The following SEMA6A variants were observed in gnomAD, a reference collection of about 807,000 sequenced individuals.
SEMA6A encodes semaphorin 6A, also known as semaphorin-6A.
A neutral mutation model predicts 96.8 loss-of-function variants in SEMA6A; 25 were observed. That is an observed-to-expected ratio of 0.26 (90% CI 0.19 to 0.36). The LOEUF is 0.36. Ranked by LOEUF, SEMA6A falls within the 10% of genes least tolerant of loss-of-function variation. The probability of loss-of-function intolerance (pLI) is 1.00; values close to 1 mark genes in which losing one functional copy is unlikely to be tolerated. For synonymous variants in SEMA6A, 612 were observed against 518.0 expected, an observed-to-expected ratio of 1.18 and a Z score of -2.46; for missense variants, 1,363 against 1,323.1, an observed-to-expected ratio of 1.03 and a Z score of -0.47.
chr5:116,553,474 A>AT (rs1283626932), intron 1 of SEMA6A, among the ~76,000 whole-genome samples: 1 of 152,200 alleles, frequency 6.6e-6, no homozygotes, highest in East Asian at 1.9e-4. Context: ...GTGAATTATA[A>AT]TTGCCTGCCA....
chr5:116,499,537 GAAGTGTAAAAATA>G (rs1397705490), intron 3 of SEMA6A, among the ~76,000 whole-genome samples: 1 of 152,184 alleles, frequency 6.6e-6, no homozygotes, highest in African/African-American at 2.4e-5. Flanking sequence ...ATTAAAGTTG[GAAGTGTAAAAATA>G]AAGTGTAAAA....
At chr5:116,482,606 C>T in intron 10 of SEMA6A, 31 bp from the exon 11 acceptor site, 1 of 1,611,526 alleles carries the variant, frequency 6.2e-7, no homozygotes, top group East Asian at 2.2e-5. Flanking sequence ...TCAAGTGTTA[C>T]TCATGCAATG....
chr5:116,478,700 A>T lies in SEMA6A; in HGVS notation c.1269T>A (p.Ile423=). The T allele has an allele frequency of 6.2e-7, 1 of 1,612,248 alleles. No homozygotes were observed. The highest frequency in any genetic ancestry group is 8.5e-7 in the Non-Finnish European group (1 of 1,179,436). ...ATGGCCCAGCAGCTGTGTCCACTGCAATTTTGGTAAGGCGGTATCTAAAAT... is the reference window on the plus strand; with the variant it reads ...ATGGCCCAGCAGCTGTGTCCACTGCTATTTTGGTAAGGCGGTATCTAAAAT... The part of the protein sequence containing the change: ...RTMVRYRLTK[I]AVDTAAGPYQ... The change falls in exon 13 of 19, where the codon ATT becomes ATA. Residue 423 remains isoleucine, a synonymous_variant. Coordinates refer to ENST00000343348, the MANE Select transcript of SEMA6A (RefSeq NM_020796.5).
chr5:116,494,729 T>C (rs1220762084), intron 6 of SEMA6A, among the ~76,000 whole-genome samples: 1 of 152,180 alleles, frequency 6.6e-6, no homozygotes, highest in Non-Finnish European at 1.5e-5. Context: ...AGTACATGTT[T>C]CCTGAGACAA....
chr5:116,563,800 C>T (rs1029182533), intron 1 of SEMA6A, among the ~76,000 whole-genome samples: 2 of 152,180 alleles, frequency 1.3e-5, no homozygotes, highest in African/African-American at 4.8e-5. Flanking sequence ...AACATCTAGC[C>T]TATGCGAATA....
At chr5:116,540,798 T>G (rs7726579) in intron 1 of SEMA6A, among the ~76,000 whole-genome samples, 5,716 of 152,326 alleles carry the variant, frequency 0.038, 160 homozygotes, top group Admixed American at 0.074. Context: ...CTCATCTAAC[T>G]GGCACCAATA....
rs368558091 is a variant in SEMA6A at position 116,447,493 on chromosome 5, G to T, written c.2213C>A (p.Thr738Lys). The T allele has an allele frequency of 1.4e-5, 22 of 1,613,974 alleles. No homozygotes were observed. The highest frequency in any genetic ancestry group is 1.8e-5 in the Non-Finnish European group (21 of 1,179,922). The part of the protein sequence containing the change: ...HNGKLATPGN[T>K]AKMLIKADQH... ...GTCTGCTTTAATGAGCATCTTGGCC[G>T]TGTTGCCGGGAGTGGCGAGCTTGCC... The change falls in exon 19 of 19, where the codon ACG becomes AAG. Residue 738 changes from threonine (T) to lysine (K), a missense_variant. Around this residue, in one of 2 missense-constraint regions of SEMA6A, gnomAD observed 883 missense variants for 763.6 expected, o/e 1.16. Coordinates refer to ENST00000343348, the MANE Select transcript of SEMA6A (RefSeq NM_020796.5).
chr5:116,541,650 T>A (rs1275881958), intron 1 of SEMA6A, among the ~76,000 whole-genome samples: 1 of 152,104 alleles, frequency 6.6e-6, no homozygotes, highest in African/African-American at 2.4e-5. Context: ...CTGGCCAACA[T>A]GGCGCAACCC....
chr5:116,452,833 G>T (rs1015216140), intron 18 of SEMA6A, among the ~76,000 whole-genome samples: 1 of 152,122 alleles, frequency 6.6e-6, no homozygotes, highest in Non-Finnish European at 1.5e-5. Flanking sequence ...ACAAGGTTTT[G>T]GCTCCAAGCA....
intron 1 of SEMA6A, among the ~76,000 whole-genome samples, chr5:116,515,177 T>G (rs555953959): frequency 1.3e-5 from 2 of 152,320 alleles, no homozygotes; most frequent in South Asian, 4.1e-4. Context: ...CTTATTGGAT[T>G]TGTAGACACT....
chr5:116,456,728 G>A (rs1755031767), intron 18 of SEMA6A, among the ~76,000 whole-genome samples: 1 of 152,144 alleles, frequency 6.6e-6, no homozygotes, highest in Admixed American at 6.5e-5. Context: ...GGTCAGCCCA[G>A]GCATAACTGG....
In SEMA6A at chr5:116,447,485, T is replaced by A. The variant is rs375596937; in HGVS notation, c.2221A>T (p.Met741Leu). 10 of 1,613,946 alleles carry A rather than the reference T, an allele frequency of 6.2e-6. No individual in the cohort carries two copies. The African/African-American group carries it at 1.3e-4, about 22-fold the overall frequency. The part of the protein sequence containing the change: ...KLATPGNTAK[M>L]LIKADQHHLD... ...TGGTGCTGGTCTGCTTTAATGAGCA[T>A]CTTGGCCGTGTTGCCGGGAGTGGCG... is the stretch of plus-strand genomic sequence containing the variant. Residue 741 changes from methionine to leucine, a missense_variant, in exon 19 of 19, where the codon ATG becomes TTG. Physicochemically the swap from Met to Leu is conservative, Grantham distance 15 (BLOSUM62 2). Around this residue, in one of 2 missense-constraint regions of SEMA6A, gnomAD observed 883 missense variants for 763.6 expected, o/e 1.16. Coordinates refer to ENST00000343348, the MANE Select transcript of SEMA6A (RefSeq NM_020796.5).
intron 17 of SEMA6A, 26 bp from the exon 18 acceptor site, chr5:116,467,773 GA>G: frequency 6.2e-7 from 1 of 1,611,712 alleles, no homozygotes; most frequent in Non-Finnish European, 8.5e-7. Context: ...ATACAGTTAG[GA>G]AAACATCACC....
intron 1 of SEMA6A, among the ~76,000 whole-genome samples, chr5:116,560,567 T>C (rs1163152643): frequency 6.6e-6 from 1 of 151,834 alleles, no homozygotes; most frequent in Admixed American, 6.6e-5. Context: ...TAAAAACGTG[T>C]TTCTGTTTTA....
chr5:116,474,074 C>T (rs1163993007), intron 16 of SEMA6A, among the ~76,000 whole-genome samples: 1 of 152,164 alleles, frequency 6.6e-6, no homozygotes, highest in East Asian at 1.9e-4. Context: ...CCTGAGAACA[C>T]AGATAAGGGT....
At position 116,447,629 on chromosome 5, in the gene SEMA6A, G is replaced by T; in HGVS notation, c.2077C>A (p.His693Asn). Residue 693 changes from histidine to asparagine, a missense_variant, in exon 19 of 19, where the codon CAC becomes AAC. Physicochemically the swap from His to Asn is moderately conservative, Grantham distance 68. Coordinates refer to ENST00000343348, the MANE Select transcript of SEMA6A (RefSeq NM_020796.5). ...VVQRKEKELT[H>N]SRRGSMSSVT... ...CTGCTCATGGAGCCCCGGCGCGAGTGGGTGAGCTCCTTCTCCTTGCGCTGC... is the reference window on the plus strand; with the variant it reads ...CTGCTCATGGAGCCCCGGCGCGAGTTGGTGAGCTCCTTCTCCTTGCGCTGC... The T allele has an allele frequency of 1.2e-6, 2 of 1,614,032 alleles. No individual in the cohort carries two copies. Among genetic ancestry groups the T allele is most frequent in the Non-Finnish European group, 1.7e-6 (2 of 1,179,884 alleles).
At chr5:116,461,850 T>C (rs1321862186) in intron 18 of SEMA6A, among the ~76,000 whole-genome samples, 1 of 152,176 alleles carries the variant, frequency 6.6e-6, no homozygotes, top group Non-Finnish European at 1.5e-5. Flanking sequence ...ACTACGTCTA[T>C]CTCTAATACA....
chr5:116,513,107 A>C (rs1211204387), intron 1 of SEMA6A, among the ~76,000 whole-genome samples: 1 of 151,620 alleles, frequency 6.6e-6, no homozygotes, highest in Admixed American at 6.6e-5. Context: ...AAATGGGGCT[A>C]TCCATTATAA....
chr5:116,554,559 T>A (rs1005817753), intron 1 of SEMA6A, among the ~76,000 whole-genome samples: 1 of 152,210 alleles, frequency 6.6e-6, no homozygotes, highest in Non-Finnish European at 1.5e-5. Context: ...TATAAAGTAT[T>A]TGTTCAAAAA....
Sources: allele counts gnomAD v4.1 joint callset (sites outside exome capture counted in the v4.1 genomes callset), GRCh38; gene constraint gnomAD v4.1.1; regional missense constraint gnomAD v4.1.1; transcripts MANE v1.5; gene names NCBI Gene and HGNC (gene_info 2026-07-23, HGNC 2026-07-21).